The following HMGN1 variants were observed in gnomAD, a reference collection of about 807,000 sequenced individuals.
HMGN1 encodes non-histone chromosomal protein HMG-14.
HMGN1 carries 9 observed loss-of-function variants against 18.4 expected under a neutral mutation model. That is an observed-to-expected ratio of 0.49 (90% CI 0.29 to 0.85). HMGN1 has a LOEUF of 0.85. HMGN1 is among the 40% of genes least tolerant of loss of function. The pLI is 0.07. For synonymous variants in HMGN1, 59 were observed against 45.0 expected (o/e 1.31, Z -1.24); for missense variants, 151 against 119.2 (o/e 1.27, Z -1.24).
chr21:39,346,783 G>C (rs1040541257), intron 4 of HMGN1: 1 of 152,136 alleles, frequency 6.6e-6, no homozygotes, highest in Non-Finnish European at 1.5e-5. Context: ...TTACAGAAAC[G>C]AGATGTAAAA....
intron 5 of HMGN1, among the ~76,000 whole-genome samples, chr21:39,343,495 G>A (rs910275681): frequency 6.6e-6 from 1 of 152,176 alleles, no homozygotes; most frequent in Non-Finnish European, 1.5e-5. Context: ...TTACACCTTT[G>A]TGCTTTTTAC....
intron 4 of HMGN1, chr21:39,347,394 A>G: frequency 4.9e-6 from 6 of 1,220,306 alleles, no homozygotes; most frequent in Non-Finnish European, 6.4e-6. Context: ...TTTAACAAGG[A>G]CAAATTTAGT....
intron 4 of HMGN1, chr21:39,345,851 T>A (rs1350626242): frequency 1.5e-6 from 2 of 1,302,752 alleles, no homozygotes; most frequent in Non-Finnish European, 2.0e-6. Context: ...CACCATGCCG[T>A]ACGGTCAGGT....
chr21:39,344,833 G>GT (rs2036987120), intron 5 of HMGN1, among the ~76,000 whole-genome samples: 1 of 152,086 alleles, frequency 6.6e-6, no homozygotes, highest in Admixed American at 6.6e-5. Flanking sequence ...AAAAATGCAA[G>GT]TAAGGGGAAT....
At chr21:39,344,718 C>T (rs894825719) in intron 5 of HMGN1, 1 of 156,316 alleles carries the variant, frequency 6.4e-6, no homozygotes, top group African/African-American at 2.4e-5. Flanking sequence ...AGATTAATGA[C>T]ACTAGTCTTT....
Position 39,342,382 on chromosome 21 carries a change from A to C in HMGN1, c.*730T>G, listed in dbSNP as rs2036892325. 5.5e-6 allele frequency: 1 copy of C among 181,260 alleles called. No individual in the cohort carries two copies. The highest frequency in any genetic ancestry group is 5.4e-5 in the Admixed American group (1 of 18,406). 11.2% of individuals were successfully genotyped at this position (181,260 alleles called of 1,614,324 possible). On this transcript the variant is annotated 3_prime_UTR_variant, in exon 6 of 6. Transcript: ENST00000380749. ...ACATTTCAATTTGTACACAAATCTT[A>C]ACATACGTAACGAAATTCTAAAAAG...
At chr21:39,343,267 G>A in intron 5 of HMGN1, 108 bp from the exon 6 acceptor site, 1 of 1,054,368 alleles carries the variant, frequency 9.5e-7, no homozygotes, top group South Asian at 1.6e-5. Flanking sequence ...TATTTGTAAA[G>A]TCACCTACCT....
intron 4 of HMGN1, chr21:39,345,989 C>G: frequency 1.6e-6 from 2 of 1,275,556 alleles, no homozygotes; most frequent in Non-Finnish European, 2.1e-6. Flanking sequence ...TATGACCATA[C>G]TAACTTGATA....
chr21:39,348,406 G>C lies in HMGN1; in HGVS notation c.78+16C>G. The C allele has an allele frequency of 1.2e-6, 2 of 1,614,152 alleles. No individual in the cohort carries two copies. Among genetic ancestry groups the C allele is most frequent in the Middle Eastern group, 3.3e-4 (2 of 6,062 alleles). ...ACCCGCGGAAAACGAACGGTTACGG[G>C]GCTCGCTTTACTTACAGCTGACAAC... On this transcript the variant is annotated intron_variant, in intron 3 of 5. Coordinates refer to ENST00000380749, the MANE Select transcript of HMGN1 (RefSeq NM_004965.7).
rs891608809 is a variant in HMGN1 at position 39,348,928 on chromosome 21, G to A, written c.-11C>T. 11 of 1,194,428 alleles carry A rather than the reference G, an allele frequency of 9.2e-6. No individual in the cohort carries two copies. Among genetic ancestry groups the A allele is most frequent in the Non-Finnish European group, 1.1e-5 (11 of 964,358 alleles). The allele number at this position is 1,194,428 out of a possible 1,614,324, so 74.0% of individuals were successfully genotyped here. On this transcript the variant is annotated 5_prime_UTR_variant, in exon 1 of 6. Coordinates refer to ENST00000380749, the MANE Select transcript of HMGN1 (RefSeq NM_004965.7). ...CTTCCTCTTGGGCATCGTGGCGGCG[G>A]GGAAGGCGCGTGCCGGGTGCCTGCG...
chr21:39,345,708 T>C (rs1367910496), intron 4 of HMGN1: 13 of 584,194 alleles, frequency 2.2e-5, no homozygotes, highest in Non-Finnish European at 3.7e-5. Context: ...GACAGGACAA[T>C]GTCATGAAGT....
intron 4 of HMGN1, chr21:39,345,921 T>C: frequency 7.7e-7 from 1 of 1,302,364 alleles, no homozygotes; most frequent in Non-Finnish European, 1.0e-6. Context: ...AAAGGATCAG[T>C]TTTGAATTTA....
At chr21:39,348,802 C>T in intron 1 of HMGN1, 101 bp downstream of exon 1, 1 of 1,060,652 alleles carries the variant, frequency 9.4e-7, no homozygotes, top group Non-Finnish European at 1.2e-6. Context: ...CCTCCCGGGC[C>T]CGTCGCCACC....
intron 5 of HMGN1, among the ~76,000 whole-genome samples, chr21:39,343,436 T>G (rs1441518822): frequency 1.3e-5 from 2 of 152,192 alleles, no homozygotes; most frequent in Non-Finnish European, 2.9e-5. Flanking sequence ...TTGTTTCAGC[T>G]CTAATGCCGT....
At position 39,348,896 on chromosome 21, in the gene HMGN1, C is replaced by A; in HGVS notation, c.15+7G>T. The A allele has an allele frequency of 1.7e-6, 2 of 1,162,806 alleles. No homozygotes were observed. The highest frequency in any genetic ancestry group is 4.2e-5 in the South Asian group (1 of 23,772). The allele number at this position is 1,162,806 out of a possible 1,614,324, so 72.0% of individuals were successfully genotyped here. A position where few individuals can be genotyped will look rare whatever the true frequency, so the allele number is the denominator to read the frequency against. On this transcript the variant is annotated splice_region_variant and intron_variant, in intron 1 of 5. Coordinates refer to ENST00000380749, the MANE Select transcript of HMGN1 (RefSeq NM_004965.7). ...GGGGGCGTGTGCGGGCCGCGGCCGC[C>A]GCTCACCTTCCTCTTGGGCATCGTG...
chr21:39,347,382 T>C (rs2037093293), intron 4 of HMGN1: 1 of 1,184,872 alleles, frequency 8.4e-7, no homozygotes, highest in African/African-American at 1.6e-5. Context: ...TTTATACCTT[T>C]ATTTAACAAG....
chr21:39,345,246 G>T lies in HMGN1; in HGVS notation c.155C>A (p.Thr52Lys), dbSNP rs759800547. The T allele has an allele frequency of 6.2e-7, 1 of 1,613,284 alleles. No individual in the cohort carries two copies. Among genetic ancestry groups the T allele is most frequent in the East Asian group, 2.2e-5 (1 of 44,860 alleles). The change falls in exon 5 of 6, where the codon ACA becomes AAA. Residue 52 changes from threonine to lysine, a missense_variant. Thr to Lys is a moderately conservative substitution (Grantham distance 78). Coordinates refer to ENST00000380749, the MANE Select transcript of HMGN1 (RefSeq NM_004965.7). ...TCCCTTTGCTCCCCTTTTCCCTTTT[G>T]TTTGCACTTTTTTGTCTGAAGATTT... is the stretch of plus-strand genomic sequence containing the variant. ...KDKSSDKKVQ[T>K]KGKRGAKGKQ...
Position 39,342,919 on chromosome 21 carries a change from C to T in HMGN1, c.*193G>A. The T allele has an allele frequency of 1.6e-6, 2 of 1,277,314 alleles. No individual in the cohort carries two copies. Among genetic ancestry groups the T allele is most frequent in the Non-Finnish European group, 2.2e-6 (2 of 920,532 alleles). The allele number at this position is 1,277,314 out of a possible 1,614,324, so 79.1% of individuals were successfully genotyped here. ...TCTGGTTGTACCAAAAAATAAACAA[C>T]CAGCAAATGATTTCACCTCTTAAAA... On this transcript the variant is annotated 3_prime_UTR_variant, in exon 6 of 6. Coordinates refer to ENST00000380749, the MANE Select transcript of HMGN1 (RefSeq NM_004965.7).
chr21:39,343,284 G>C, intron 5 of HMGN1, 125 bp from the exon 6 acceptor site: 1 of 932,756 alleles, frequency 1.1e-6, no homozygotes, highest in South Asian at 1.7e-5. Flanking sequence ...ACCTACTCTT[G>C]TTAAAAAACT....
Sources: gnomAD v4.1 joint callset for allele counts (sites outside exome capture counted in the v4.1 genomes callset) on GRCh38, gnomAD v4.1.1 for gene constraint, MANE v1.5 for transcripts, NCBI Gene and HGNC (gene_info 2026-07-23, HGNC 2026-07-21) for gene names.